SYT2: variants seen among roughly 807,000 people sequenced by gnomAD.
SYT2 encodes synaptotagmin-2.
A neutral mutation model predicts 39.9 loss-of-function variants in SYT2; 15 were observed. The observed-to-expected ratio is 0.38, with a 90% CI of 0.25 to 0.58. SYT2 has a LOEUF of 0.58. SYT2 is among the 20% of genes least tolerant of loss of function. SYT2 has a pLI of 0.70. For missense variants in SYT2, 389 were observed against 530.3 expected, an observed-to-expected ratio of 0.73 and a Z score of 2.62; for synonymous variants, 181 against 204.5, an observed-to-expected ratio of 0.89 and a Z score of 0.98.
At position 202,633,080 on chromosome 1, in the gene SYT2, C is replaced by T. The variant is rs139640655; in HGVS notation, c.-17-27291G>A. Among the ~76,000 whole-genome samples the T allele has an allele frequency of 6.3e-3, 959 of 152,332 alleles. 12 individuals carry two copies. The highest frequency in any genetic ancestry group is 0.022 in the African/African-American group (925 of 41,574). On this transcript the variant is annotated intron_variant, in intron 1 of 8. Transcript: ENST00000367268. ...GCAGTTGGAAGATGCAGACGCGCCT[C>T]GCTTGGTGCTGCCAGGTTAGATTTG...
intron 1 of SYT2, among the ~76,000 whole-genome samples, chr1:202,674,156 C>T (rs889968165): frequency 1.3e-5 from 2 of 152,002 alleles, no homozygotes; most frequent in Non-Finnish European, 1.5e-5. Context: ...GGCTGGAGTG[C>T]GGTGGTGTGA....
chr1:202,679,656 T>C (rs1653476309), intron 1 of SYT2, among the ~76,000 whole-genome samples: 1 of 152,122 alleles, frequency 6.6e-6, no homozygotes, highest in South Asian at 2.1e-4. Context: ...TTCCCTGCAG[T>C]CTGCACCACT....
At chr1:202,667,464 G>A (rs141701934) in intron 1 of SYT2, among the ~76,000 whole-genome samples, 2 of 137,304 alleles carry the variant, frequency 1.5e-5, no homozygotes, top group African/African-American at 2.9e-5. Context: ...CAAGTGACCA[G>A]CCGTGTGTGT....
chr1:202,613,426 T>C (rs1383190000), intron 1 of SYT2, among the ~76,000 whole-genome samples: 2 of 152,100 alleles, frequency 1.3e-5, no homozygotes, highest in Non-Finnish European at 2.9e-5. Flanking sequence ...CATGTGTGTG[T>C]GTGCTGGTGG....
intron 1 of SYT2, among the ~76,000 whole-genome samples, chr1:202,665,782 C>T (rs1219500390): frequency 6.6e-6 from 1 of 152,136 alleles, no homozygotes; most frequent in African/African-American, 2.4e-5. Flanking sequence ...AATGTTTACA[C>T]TTGTTTTGTT....
intron 1 of SYT2, among the ~76,000 whole-genome samples, chr1:202,706,873 A>G (rs1654266128): frequency 6.6e-6 from 1 of 152,228 alleles, no homozygotes; most frequent in Non-Finnish European, 1.5e-5. Flanking sequence ...ACGAATAGTT[A>G]TCAGTTCTAC....
chr1:202,702,093 C>T (rs1298853186), intron 1 of SYT2, among the ~76,000 whole-genome samples: 4 of 152,216 alleles, frequency 2.6e-5, no homozygotes, highest in African/African-American at 9.6e-5. Flanking sequence ...CACGAAGACA[C>T]CTCCAGGTTT....
rs1690510419 is a variant in SYT2, at chr1:202,601,743, AG to A, written c.801+146del. The A allele has an allele frequency of 8.4e-6, 7 of 828,658 alleles. No individual in the cohort carries two copies. Among genetic ancestry groups the A allele is most frequent in the Non-Finnish European group, 1.9e-6 (1 of 523,020 alleles). The allele number at this position is 828,658 out of a possible 1,614,324, so 51.3% of individuals were successfully genotyped here. A position where few individuals can be genotyped will look rare whatever the true frequency, so the allele number is the denominator to read the frequency against. On this transcript the variant is annotated intron_variant, in intron 6 of 8. Coordinates refer to ENST00000367268, the MANE Select transcript of SYT2 (RefSeq NM_177402.5). This position sits in a 1 kb window ranked among gnomAD's most constrained non-coding sequence, Gnocchi z 4.0. Reference sequence around the variant, plus strand: ...TCCAGAGAGTGTAAGCAACTTGCCCAGGGTCACACAGCCAGGCAGTGTGGAG... The same window carrying A: ...TCCAGAGAGTGTAAGCAACTTGCCCAGGTCACACAGCCAGGCAGTGTGGAG...
chr1:202,639,049 TA>T (rs1208970535), intron 1 of SYT2, among the ~76,000 whole-genome samples: 1 of 152,186 alleles, frequency 6.6e-6, no homozygotes, highest in Non-Finnish European at 1.5e-5. Flanking sequence ...CATCTGGGAT[TA>T]TTTTTTTCAC....
chr1:202,665,972 T>C (rs1367378709), intron 1 of SYT2, among the ~76,000 whole-genome samples: 1 of 151,940 alleles, frequency 6.6e-6, no homozygotes, highest in East Asian at 1.9e-4. Flanking sequence ...GCTAACATGG[T>C]GAAACCCCGT....
chr1:202,694,788 C>T (rs1426003077), intron 1 of SYT2, among the ~76,000 whole-genome samples: 1 of 151,632 alleles, frequency 6.6e-6, no homozygotes, highest in Non-Finnish European at 1.5e-5. Context: ...CTCTCCTCTC[C>T]CTCCTCCTCC....
chr1:202,596,960 C>T lies in SYT2; in HGVS notation c.1057G>A (p.Val353Ile). ...FEIPFEQIQK[V>I]QVVVTVLDYD... ...TCCAGCACGGTGACCACTACCTGGA[C>T]TTTCTGCAAGGAAAACGAGGGAGGG... Residue 353 changes from valine (V) to isoleucine (I), a missense_variant, in exon 9 of 9, where the codon GTC (valine) becomes ATC (isoleucine). Coordinates refer to ENST00000367268, the MANE Select transcript of SYT2 (RefSeq NM_177402.5). The T allele has an allele frequency of 6.2e-7, 1 of 1,612,812 alleles. No individual in the cohort carries two copies. The highest frequency in any genetic ancestry group is 1.1e-5 in the South Asian group (1 of 91,040).
chr1:202,595,720 A>G lies in SYT2; in HGVS notation c.*1037T>C, dbSNP rs534933167. ...CACAATGGGGAATAAATGCAAATGA[A>G]CTTGGCTGCTTATATTCTGGAAAGG... On this transcript the variant is annotated 3_prime_UTR_variant, in exon 9 of 9. Transcript: ENST00000367268. 5 of 152,382 alleles carry G rather than the reference A, an allele frequency of 3.3e-5. No individual in the cohort carries two copies. In the East Asian group the frequency reaches 9.6e-4, roughly 29 times the overall value. The allele number at this position is 152,382 out of a possible 1,614,324, so 9.4% of individuals were successfully genotyped here.
chr1:202,612,111 A>G (rs1017025207), intron 1 of SYT2, among the ~76,000 whole-genome samples: 4 of 152,232 alleles, frequency 2.6e-5, no homozygotes, highest in Admixed American at 2.6e-4. Context: ...ATTCGTTTGT[A>G]TGTGGATATC....
In SYT2 at chr1:202,623,573, G is replaced by C. The variant is rs3952240; in HGVS notation, c.-17-17784C>G. Among the ~76,000 whole-genome samples, 16,557 of 152,284 alleles carry C rather than the reference G, an allele frequency of 0.11. 1,533 individuals carry two copies. Among genetic ancestry groups the C allele is most frequent in the African/African-American group, 0.24 (10,083 of 41,518 alleles). On this transcript the variant is annotated intron_variant, in intron 1 of 8. Transcript: ENST00000367268. The surrounding 1 kb of genome is among the most constrained non-coding windows in gnomAD (Gnocchi z 4.2). ...GCAGGCCGGGAAGGGTGGGCGACCC[G>C]GAATGAGTGATTGAGTGGGGACAGA...
At chr1:202,624,957 GTC>G (rs1691335407) in intron 1 of SYT2, among the ~76,000 whole-genome samples, 1 of 139,090 alleles carries the variant, frequency 7.2e-6, no homozygotes, top group African/African-American at 2.7e-5. Context: ...TGTGTGTGGT[GTC>G]TGTGTGTGGC....
chr1:202,678,892 C>T (rs1335658243), intron 1 of SYT2, among the ~76,000 whole-genome samples: 1 of 152,036 alleles, frequency 6.6e-6, no homozygotes, highest in Non-Finnish European at 1.5e-5. Flanking sequence ...CACCCAACTA[C>T]TGACCCAACG....
chr1:202,675,957 G>A (rs1296491778), intron 1 of SYT2, among the ~76,000 whole-genome samples: 1 of 152,134 alleles, frequency 6.6e-6, no homozygotes, highest in African/African-American at 2.4e-5. Context: ...TTAGGCAGGC[G>A]TTACTATGTC....
chr1:202,676,077 G>A (rs1653361462), intron 1 of SYT2, among the ~76,000 whole-genome samples: 1 of 152,170 alleles, frequency 6.6e-6, no homozygotes, highest in Non-Finnish European at 1.5e-5. Flanking sequence ...GTCTCACTAA[G>A]GCCACCGCCT....
Sources: gnomAD v4.1 joint callset for allele counts (sites outside exome capture counted in the v4.1 genomes callset) on GRCh38, gnomAD v4.1.1 for gene constraint, Gnocchi (gnomAD v3.1) non-coding constraint, MANE v1.5 for transcripts, NCBI Gene and HGNC (gene_info 2026-07-23, HGNC 2026-07-21) for gene names.